Variants in MRTFB observed in about 807,000 individuals in gnomAD.
The protein encoded by MRTFB is myocardin-related transcription factor B.
MRTFB carries 29 observed loss-of-function variants against 104.2 expected under a neutral mutation model. The ratio of observed to expected loss-of-function variants is 0.28; its 90% CI spans 0.21 to 0.38. MRTFB has a LOEUF of 0.38. Among genes scored for constraint, MRTFB ranks in the 10% least tolerant of loss-of-function variants. MRTFB has a pLI of 1.00. For missense variants in MRTFB, 1,270 were observed against 1,341.6 expected (o/e 0.95, Z 0.83); for synonymous variants, 535 against 519.5 (o/e 1.03, Z -0.41).
the MRTFB span, among the ~76,000 whole-genome samples, chr16:14,031,544 AG>A: frequency 6.6e-6 from 1 of 152,230 alleles, no homozygotes; most frequent in Non-Finnish European, 1.5e-5. Flanking sequence ...TTTAGCACAT[AG>A]AAAATGTTAC....
intron 3 of MRTFB, among the ~76,000 whole-genome samples, chr16:14,161,395 TA>T (rs1379081606): frequency 6.6e-6 from 1 of 152,148 alleles, no homozygotes; most frequent in Non-Finnish European, 1.5e-5. Context: ...TCTTTTTAAA[TA>T]AATGGTTCTA....
At chr16:14,235,749 CCCT>C (rs1357137794) in intron 9 of MRTFB, among the ~76,000 whole-genome samples, 4 of 151,976 alleles carry the variant, frequency 2.6e-5, no homozygotes, top group Admixed American at 6.5e-5. Context: ...GTTTCTGTGC[CCCT>C]CCTCTACAGG....
intron 3 of MRTFB, among the ~76,000 whole-genome samples, chr16:14,164,186 A>G (rs1314861887): frequency 6.6e-6 from 1 of 152,046 alleles, no homozygotes; most frequent in Non-Finnish European, 1.5e-5. Context: ...CCATTAACCA[A>G]TCTCTCTTCA....
chr16:14,105,694 T>G (rs1025353002), intron 2 of MRTFB, among the ~76,000 whole-genome samples: 3 of 152,210 alleles, frequency 2.0e-5, no homozygotes, highest in African/African-American at 7.2e-5. Context: ...CCACAGCACC[T>G]GGACTCTTAA....
intron 3 of MRTFB, among the ~76,000 whole-genome samples, chr16:14,188,108 T>G (rs552976412): frequency 6.6e-6 from 1 of 152,220 alleles, no homozygotes; most frequent in Admixed American, 6.5e-5. Context: ...GAAAAACTCC[T>G]AGGTCGAAAT....
intron 3 of MRTFB, among the ~76,000 whole-genome samples, chr16:14,193,214 A>C (rs2040271134): frequency 2.7e-5 from 3 of 112,966 alleles, no homozygotes; most frequent in Admixed American, 1.6e-4. Flanking sequence ...CTGTCTCAAA[A>C]AAAAAAAAAA....
chr16:14,107,156 A>T (rs905344157), intron 2 of MRTFB, among the ~76,000 whole-genome samples: 1 of 152,236 alleles, frequency 6.6e-6, no homozygotes, highest in Non-Finnish European at 1.5e-5. Context: ...GAATCACTTG[A>T]ACCTGAGAGG....
Position 14,252,509 on chromosome 16 carries a change from G to A in MRTFB, c.2703+7G>A. Reference sequence around the variant, plus strand: ...ACAGGCCCCTCTGCCAGAGGTAAGTGAGGGCACGGTCATGGTGCATAAGGC... The same window carrying A: ...ACAGGCCCCTCTGCCAGAGGTAAGTAAGGGCACGGTCATGGTGCATAAGGC... On this transcript the variant is annotated splice_region_variant and intron_variant, in intron 15 of 16. Coordinates refer to ENST00000571589, the MANE Select transcript of MRTFB (RefSeq NM_001308142.2). The A allele has an allele frequency of 3.1e-6, 5 of 1,613,976 alleles. No individual in the cohort carries two copies. The highest frequency in any genetic ancestry group is 4.2e-6 in the Non-Finnish European group (5 of 1,179,966).
At chr16:14,234,122 G>C (rs577035948) in intron 8 of MRTFB, 24 bp from the exon 9 acceptor site, 5 of 1,606,414 alleles carry the variant, frequency 3.1e-6, no homozygotes, top group East Asian at 2.2e-5. Context: ...TCACAGACTT[G>C]TTCCTTTTTG....
intron 8 of MRTFB, among the ~76,000 whole-genome samples, chr16:14,221,643 G>GTTCT (rs1380828880): frequency 6.6e-6 from 1 of 152,106 alleles, no homozygotes; most frequent in Admixed American, 6.5e-5. Context: ...TCTTTCAGGG[G>GTTCT]TTCTTTGAGA....
intron 2 of MRTFB, among the ~76,000 whole-genome samples, chr16:14,121,423 C>G (rs1157423747): frequency 6.6e-6 from 1 of 152,082 alleles, no homozygotes; most frequent in Non-Finnish European, 1.5e-5. Context: ...TTTTAAAGAA[C>G]AAGAGCGATG....
chr16:14,224,998 C>G lies in MRTFB; in HGVS notation c.693+6000C>G, dbSNP rs959874853. Among the ~76,000 whole-genome samples the G allele has an allele frequency of 2.6e-5, 4 of 152,242 alleles. No individual in the cohort carries two copies. In the East Asian group the frequency reaches 7.7e-4, roughly 29 times the overall value. ...GGTCGGGAGTTCAAGACCAGCCTGA[C>G]CAACATGGAGAAACCCTGTCTCTAC... On this transcript the variant is annotated intron_variant, in intron 8 of 16. Coordinates refer to ENST00000571589, the MANE Select transcript of MRTFB (RefSeq NM_001308142.2).
intron 3 of MRTFB, among the ~76,000 whole-genome samples, chr16:14,162,152 CAAA>C (rs376183467): frequency 2.9e-4 from 18 of 62,672 alleles, no homozygotes; most frequent in East Asian, 4.7e-4. Flanking sequence ...CCTGTCTCTA[CAAA>C]AAAAAAAAAA....
At chr16:14,058,247 C>T in the MRTFB span, among the ~76,000 whole-genome samples, 104 of 152,222 alleles carry the variant, frequency 6.8e-4, no homozygotes, top group Non-Finnish European at 1.4e-3. Context: ...GAACACTATC[C>T]GTTCTCGGAA....
the MRTFB span, among the ~76,000 whole-genome samples, chr16:14,025,645 G>A: frequency 1.3e-5 from 2 of 152,174 alleles, no homozygotes; most frequent in African/African-American, 4.8e-5. Context: ...GGTGCAAGAA[G>A]CTCAGGTTTC....
At chr16:14,159,929 CAAAAAAAAAAAAA>C (rs552159164) in intron 3 of MRTFB, among the ~76,000 whole-genome samples, 1 of 55,628 alleles carries the variant, frequency 1.8e-5, no homozygotes, top group Non-Finnish European at 4.2e-5. Flanking sequence ...GACTCCGTCT[CAAAAAAAAAAAAA>C]AAAAAAAAAA....
intron 2 of MRTFB, among the ~76,000 whole-genome samples, chr16:14,080,382 A>G (rs2034325023): frequency 2.0e-5 from 3 of 152,164 alleles, no homozygotes; most frequent in Admixed American, 2.0e-4. Context: ...ATAAAATTGT[A>G]TGTATGTATT....
chr16:14,199,909 AT>A (rs774396223), intron 3 of MRTFB: 6 of 176,518 alleles, frequency 3.4e-5, no homozygotes, highest in Non-Finnish European at 6.0e-5. Context: ...CTTATTAGTT[AT>A]TTATATTATT....
At chr16:14,107,016 A>G (rs964683405) in intron 2 of MRTFB, among the ~76,000 whole-genome samples, 4 of 152,220 alleles carry the variant, frequency 2.6e-5, no homozygotes, top group Non-Finnish European at 4.4e-5. Flanking sequence ...CCAGAGAGAA[A>G]CAGAACATAG....
Sources: allele counts gnomAD v4.1 joint callset (sites outside exome capture counted in the v4.1 genomes callset), GRCh38; gene constraint gnomAD v4.1.1; transcripts MANE v1.5; gene names NCBI Gene and HGNC (gene_info 2026-07-23, HGNC 2026-07-21).